TRPV3: variants seen among roughly 807,000 people sequenced by gnomAD.
TRPV3 encodes transient receptor potential cation channel subfamily V member 3, also known as VRL-3.
In TRPV3, 88 loss-of-function variants were observed where a neutral mutation model predicts 87.1. That is an observed-to-expected ratio of 1.01 (90% CI 0.85 to 1.21). The LOEUF (loss-of-function observed/expected upper bound fraction) is 1.21. TRPV3 is among the 50% of genes most tolerant of loss of function. The pLI, the probability that TRPV3 is intolerant of heterozygous loss-of-function variation, is 0.00. For synonymous variants in TRPV3, 438 were observed against 423.3 expected (o/e 1.03, Z -0.43); for missense variants, 1,054 against 1,030.1 (o/e 1.02, Z -0.32).
chr17:3,536,603 C>CA lies in TRPV3; in HGVS notation c.644-891dup, dbSNP rs1317354171. Among the ~76,000 whole-genome samples the CA allele has an allele frequency of 2.1e-3, 321 of 151,852 alleles. 4 individuals carry two copies. Among genetic ancestry groups the CA allele is most frequent in the African/African-American group, 7.4e-3 (304 of 41,306 alleles). On this transcript the variant is annotated intron_variant, in intron 6 of 17. Transcript: ENST00000576742. ...AACTCCATCTCAAAAAACAAACAAA[C>CA]AAACAAAAAAATGATGAGGCCTGGA...
At chr17:3,529,024 G>A in intron 9 of TRPV3, 29 bp from the exon 10 acceptor site, 1 of 1,613,544 alleles carries the variant, frequency 6.2e-7, no homozygotes, top group Non-Finnish European at 8.5e-7. Context: ...CAGTCACCAT[G>A]GAGATGAGGG....
Position 3,542,639 on chromosome 17 carries a change from A to G in TRPV3, c.526T>C (p.Leu176=). The change falls in exon 6 of 18, where the codon TTG becomes CTG. Residue 176 remains leucine (L), a synonymous_variant. Transcript: ENST00000576742. ...TTGGTGTTGGGGTTGATGTTTAACA[A>G]GGCCTTCATCAGGCAGGTCTTCCCC... ...DTGKTCLMKA[L]LNINPNTKEI... 2.5e-6 allele frequency: 4 copies of G among 1,614,010 alleles called. No individual in the cohort carries two copies. Among genetic ancestry groups the G allele is most frequent in the Non-Finnish European group, 3.4e-6 (4 of 1,179,946 alleles).
intron 6 of TRPV3, among the ~76,000 whole-genome samples, chr17:3,537,378 G>C (rs1263370540): frequency 6.6e-6 from 1 of 151,750 alleles, no homozygotes; most frequent in African/African-American, 2.4e-5. Flanking sequence ...AACTATTTCT[G>C]TGTACATATA....
chr17:3,524,271 A>T lies in TRPV3; in HGVS notation c.1670T>A (p.Leu557Gln). Residue 557 changes from leucine (L) to glutamine (Q), a missense_variant, in exon 13 of 18, where the codon CTG (leucine) becomes CAG (glutamine). By Grantham distance (113) the Leu-to-Gln change is moderately radical (BLOSUM62 -2). Coordinates refer to ENST00000576742, the MANE Select transcript of TRPV3 (RefSeq NM_145068.4). ...ATAGTAGAGCATGTTCGCCCAGCCC[A>T]GGGCCATGGCCAGCACGAGGCAGGC... Reference protein sequence around the residue: ...YLACLVLAMALGWANMLYYTR... With the variant: ...YLACLVLAMAQGWANMLYYTR... 6.2e-7 allele frequency: 1 copy of T among 1,614,258 alleles called. No individual in the cohort carries two copies.
At chr17:3,540,192 C>A (rs1597485170) in intron 6 of TRPV3, among the ~76,000 whole-genome samples, 1 of 152,150 alleles carries the variant, frequency 6.6e-6, no homozygotes, top group East Asian at 1.9e-4. Flanking sequence ...GGAAGGGAAA[C>A]TTTAGAGTGG....
intron 6 of TRPV3, among the ~76,000 whole-genome samples, chr17:3,536,831 G>A (rs897596975): frequency 1.3e-5 from 2 of 152,156 alleles, no homozygotes; most frequent in Non-Finnish European, 2.9e-5. Flanking sequence ...TAAGCCTGCT[G>A]GAGACCAGAG....
chr17:3,540,541 T>G (rs2074448809), intron 6 of TRPV3, among the ~76,000 whole-genome samples: 1 of 152,190 alleles, frequency 6.6e-6, no homozygotes, highest in Middle Eastern at 3.2e-3. Context: ...AACAACCTTC[T>G]TTCATTCACT....
intron 2 of TRPV3, among the ~76,000 whole-genome samples, chr17:3,547,906 A>G (rs1457657503): frequency 2.0e-5 from 3 of 152,206 alleles, no homozygotes; most frequent in Non-Finnish European, 2.9e-5. Context: ...ACCTTCAGAC[A>G]CACCCACAAA....
rs1297191011 is a variant in TRPV3 at position 3,530,292 on chromosome 17, G to A, written c.1066-89C>T. On this transcript the variant is annotated intron_variant, in intron 8 of 17. Coordinates refer to ENST00000576742, the MANE Select transcript of TRPV3 (RefSeq NM_145068.4). This position sits in a 1 kb window ranked among gnomAD's most constrained non-coding sequence, Gnocchi z 4.0. ...CCAGCCAGAGGCTGGCTGGGCCCAG[G>A]GGATACACCCGCCCAGAATGGGTGG... The A allele has an allele frequency of 7.4e-6, 10 of 1,358,060 alleles. No individual in the cohort carries two copies. The East Asian group carries it at 2.4e-4, about 32-fold the overall frequency. 84.1% of individuals were successfully genotyped at this position (1,358,060 alleles called of 1,614,324 possible). A position where few individuals can be genotyped will look rare whatever the true frequency, so the allele number is the denominator to read the frequency against.
In TRPV3 at chr17:3,530,968, G is replaced by A. The variant is rs1810048; in HGVS notation, c.1066-765C>T. Among the ~76,000 whole-genome samples the A allele has an allele frequency of 0.27, 40,317 of 151,494 alleles. 7,360 individuals carry two copies. Among genetic ancestry groups the A allele is most frequent in the East Asian group, 0.52 (2,687 of 5,134 alleles). ...CTACTCAGGAGGCTGAGGCAGGAGA[G>A]TCGCTTGAACCTGGGAGGTGGAGGT... On this transcript the variant is annotated intron_variant, in intron 8 of 17. Transcript: ENST00000576742. This position sits in a 1 kb window ranked among gnomAD's most constrained non-coding sequence, Gnocchi z 4.0.
intron 2 of TRPV3, among the ~76,000 whole-genome samples, chr17:3,550,261 G>A (rs1381245313): frequency 6.6e-6 from 1 of 152,080 alleles, no homozygotes; most frequent in Non-Finnish European, 1.5e-5. Context: ...AAGAAGATGA[G>A]GAGCAGCCCT....
At chr17:3,514,191 G>T in intron 17 of TRPV3, 180 bp from the exon 18 acceptor site, 3 of 544,580 alleles carry the variant, frequency 5.5e-6, no homozygotes, top group East Asian at 6.6e-5. Flanking sequence ...CAATTCTCCT[G>T]ACTCAGCCTC....
chr17:3,525,912 G>A (rs935333859), intron 12 of TRPV3, among the ~76,000 whole-genome samples: 6 of 152,056 alleles, frequency 3.9e-5, no homozygotes, highest in Non-Finnish European at 5.9e-5. Flanking sequence ...ATCGTGCCCG[G>A]CCCACAGTTA....
Position 3,530,352 on chromosome 17 carries a change from G to A in TRPV3, c.1066-149C>T. 1 of 702,250 alleles carries A rather than the reference G, an allele frequency of 1.4e-6. No individual in the cohort carries two copies. 43.5% of individuals were successfully genotyped at this position (702,250 alleles called of 1,614,324 possible). ...TCTGCGCCTGGCGCCATGGCCCCTG[G>A]GCCCCGTCTTTATCTGTGGAATGCG... On this transcript the variant is annotated intron_variant, in intron 8 of 17. Coordinates refer to ENST00000576742, the MANE Select transcript of TRPV3 (RefSeq NM_145068.4). The surrounding 1 kb of genome is among the most constrained non-coding windows in gnomAD (Gnocchi z 4.0).
At position 3,537,891 on chromosome 17, in the gene TRPV3, TTAA is replaced by T. The variant is rs1337949442; in HGVS notation, c.644-2181_644-2179del. The stretch of plus-strand genomic sequence containing the variant: ...GGCTAGAGAGCAAGACTCTGTCTTT[TTAA>T]AAAAAAAAAAAAAAAAAAGGCATGC... On this transcript the variant is annotated intron_variant, in intron 6 of 17. Transcript: ENST00000576742. 2.3e-3 allele frequency among the ~76,000 whole-genome samples: 162 copies of T among 69,748 alleles called. 3 individuals are homozygous for T. In the Middle Eastern group the frequency reaches 0.034, roughly 15 times the overall value. 45.8% of individuals were successfully genotyped at this position (69,748 alleles called of 152,430 possible).
chr17:3,526,456 C>T (rs2074300601), intron 12 of TRPV3, among the ~76,000 whole-genome samples: 2 of 151,190 alleles, frequency 1.3e-5, no homozygotes, highest in Non-Finnish European at 2.9e-5. Context: ...CCAGCCTGGG[C>T]AACAAGAGTA....
intron 8 of TRPV3, among the ~76,000 whole-genome samples, chr17:3,531,575 G>T (rs2074349788): frequency 6.6e-6 from 1 of 152,144 alleles, no homozygotes; most frequent in African/African-American, 2.4e-5. Flanking sequence ...AGAAAACAAG[G>T]GGGTCCTGGG....
chr17:3,514,755 G>T, intron 16 of TRPV3, 83 bp from the exon 17 acceptor site: 2 of 1,039,864 alleles, frequency 1.9e-6, no homozygotes, highest in African/African-American at 1.6e-5. Flanking sequence ...GGACGTCCTG[G>T]TGTCTACACA....
rs1430713580 is a variant in TRPV3, at chr17:3,511,270, G to C, written c.*2647C>G. 1 of 152,154 alleles carries C rather than the reference G, an allele frequency of 6.6e-6. No homozygotes were observed. The highest frequency in any genetic ancestry group is 2.4e-5 in the African/African-American group (1 of 41,426). The allele number at this position is 152,154 out of a possible 1,614,324, so 9.4% of individuals were successfully genotyped here. On this transcript the variant is annotated 3_prime_UTR_variant, in exon 18 of 18. Transcript: ENST00000576742. Reference sequence around the variant, plus strand: ...GGGGACAATGTTGACTGCCAAATGAGACACCTGAGAAAATAGTCCTGCCCC... The same window carrying C: ...GGGGACAATGTTGACTGCCAAATGACACACCTGAGAAAATAGTCCTGCCCC...
Sources: allele counts gnomAD v4.1 joint callset (sites outside exome capture counted in the v4.1 genomes callset), GRCh38; gene constraint gnomAD v4.1.1; non-coding constraint Gnocchi (gnomAD v3.1); transcripts MANE v1.5; gene names NCBI Gene and HGNC (gene_info 2026-07-23, HGNC 2026-07-21).